The following NPR1 variants were observed in gnomAD, a reference collection of about 807,000 sequenced individuals.
NPR1 encodes atrial natriuretic peptide receptor 1.
Under a neutral mutation model 116.9 loss-of-function variants are expected in NPR1, and 57 were observed. The observed-to-expected ratio is 0.49, with a 90% CI of 0.39 to 0.61. NPR1 has a LOEUF of 0.61. NPR1 is among the 20% of genes least tolerant of loss of function. The pLI, the probability that NPR1 is intolerant of heterozygous loss-of-function variation, is 0.00. For synonymous variants in NPR1, 555 were observed against 601.6 expected (o/e 0.92, Z 1.13); for missense variants, 1,096 against 1,409.8 (o/e 0.78, Z 3.56).
chr1:153,686,221 G>C, intron 10 of NPR1, 21 bp downstream of exon 10: 1 of 1,611,650 alleles, frequency 6.2e-7, no homozygotes, highest in Non-Finnish European at 8.5e-7. Flanking sequence ...GAGTGAGGCA[G>C]TGGCATGGAG....
intron 14 of NPR1, 39 bp downstream of exon 14, chr1:153,687,828 TCAACGAACCCCAGCCC>T: frequency 6.5e-7 from 1 of 1,542,372 alleles, no homozygotes; most frequent in Non-Finnish European, 8.8e-7. Context: ...AGCCACAGTC[TCAACGAACCCCAGCCC>T]CAGGGAGAGG....
At position 153,682,049 on chromosome 1, in the gene NPR1, CT is replaced by C. The variant is rs749942667; in HGVS notation, c.1171+215del. Among the ~76,000 whole-genome samples the C allele has an allele frequency of 1.1e-4, 17 of 151,532 alleles. No homozygotes were observed. In the East Asian group the frequency reaches 1.5e-3, roughly 14 times the overall value. On this transcript the variant is annotated intron_variant, in intron 4 of 21. Transcript: ENST00000368680. Reference sequence around the variant, plus strand: ...CTGGGCACTGAGTTCTTTTACCTTTCTTTTTCTTTTTTCTTTTTTTTTTGAG... The same window carrying C: ...CTGGGCACTGAGTTCTTTTACCTTTCTTTTCTTTTTTCTTTTTTTTTTGAG...
chr1:153,685,533 G>T (rs113458205), intron 8 of NPR1, among the ~76,000 whole-genome samples: 2 of 151,884 alleles, frequency 1.3e-5, no homozygotes, highest in South Asian at 2.1e-4. Context: ...GCATGGTGGC[G>T]CATACCTGTA....
At chr1:153,690,077 T>C in intron 19 of NPR1, 97 bp downstream of exon 19, 3 of 513,302 alleles carry the variant, frequency 5.8e-6, no homozygotes, top group Non-Finnish European at 9.0e-6. Context: ...CATCTCTCTC[T>C]CTCTCTCTCT....
At chr1:153,680,984 C>T (rs1669756989) in intron 2 of NPR1, 196 bp from the exon 3 acceptor site, 1 of 599,412 alleles carries the variant, frequency 1.7e-6, no homozygotes, top group Admixed American at 3.0e-5. Context: ...ACAGCCTGGA[C>T]AGGACTTGGA....
rs1475147651 is a variant in NPR1, at chr1:153,687,609, G to C, written c.2093-25G>C. 4 of 1,553,668 alleles carry C rather than the reference G, an allele frequency of 2.6e-6. No individual in the cohort carries two copies. The African/African-American group carries it at 5.5e-5, about 21-fold the overall frequency. On this transcript the variant is annotated intron_variant, in intron 13 of 21. Transcript: ENST00000368680. ...CCTTAGCTTTGGGCTCCCTCACTCG[G>C]TGACTACCGACCTCTGACCCACAGA... is the stretch of plus-strand genomic sequence containing the variant.
rs1189924933 is a variant in NPR1, at chr1:153,690,068, A to ATCTC, written c.2932+124_2932+127dup. 996 of 679,654 alleles carry ATCTC rather than the reference A, an allele frequency of 1.5e-3. 11 individuals carry two copies. Among genetic ancestry groups the ATCTC allele is most frequent in the African/African-American group, 5.5e-3 (172 of 31,478 alleles). The allele number at this position is 679,654 out of a possible 1,614,324, so 42.1% of individuals were successfully genotyped here. A position where few individuals can be genotyped will look rare whatever the true frequency, so the allele number is the denominator to read the frequency against. On this transcript the variant is annotated intron_variant, in intron 19 of 21. Transcript: ENST00000368680. ...CCCTGGCCCAGCCCCTCGCCCTTTC[A>ATCTC]TCTCTCTCTCTCTCTCTCTCTCTCT...
intron 7 of NPR1, 36 bp downstream of exon 7, chr1:153,683,860 G>T: frequency 6.3e-7 from 1 of 1,592,882 alleles, no homozygotes. Context: ...TGAGGCTGGG[G>T]GACCCGGAGA....
In NPR1 at chr1:153,686,159, C is replaced by G; in HGVS notation, c.1717C>G (p.Arg573Gly). ...GGCTGTGAAACGTGTGAACCGTAAA[C>G]GCATTGAGCTGACACGAAAAGTCCT... ...LVAVKRVNRK[R>G]IELTRKVLFE... Residue 573 changes from arginine to glycine, a missense_variant, in exon 10 of 22, where the codon CGC becomes GGC. By Grantham distance (125) the Arg-to-Gly change is moderately radical (BLOSUM62 -2). Transcript: ENST00000368680. 12 of 1,614,084 alleles carry G rather than the reference C, an allele frequency of 7.4e-6. No individual in the cohort carries two copies. The highest frequency in any genetic ancestry group is 7.6e-6 in the Non-Finnish European group (9 of 1,180,016).
At chr1:153,681,444 C>G in intron 3 of NPR1, 151 bp downstream of exon 3, 3 of 645,376 alleles carry the variant, frequency 4.6e-6, no homozygotes, top group Non-Finnish European at 8.1e-6. Context: ...GAGGAGGACA[C>G]TGGCAAGTTC....
Position 153,693,346 on chromosome 1 carries a change from C to T in NPR1, c.3124-6C>T, listed in dbSNP as rs1338159382. The T allele has an allele frequency of 1.9e-6, 3 of 1,612,652 alleles. No individual in the cohort carries two copies. Among genetic ancestry groups the T allele is most frequent in the East Asian group, 2.2e-5 (1 of 44,866 alleles). On this transcript the variant is annotated splice_region_variant and splice_polypyrimidine_tract_variant and intron_variant, in intron 21 of 21. Coordinates refer to ENST00000368680, the MANE Select transcript of NPR1 (RefSeq NM_000906.4). Reference sequence around the variant, plus strand: ...CTCCCCAGCCCATCCTCTTTTTTCCCTCCAGGGCAAAGGCAAGGTTCGGAC... The same window carrying T: ...CTCCCCAGCCCATCCTCTTTTTTCCTTCCAGGGCAAAGGCAAGGTTCGGAC...
Position 153,678,950 on chromosome 1 carries a change from GC to G in NPR1, c.-158del. On this transcript the variant is annotated 5_prime_UTR_variant, in exon 1 of 22. Transcript: ENST00000368680. The surrounding 1 kb of genome is among the most constrained non-coding windows in gnomAD (Gnocchi z 5.8). ...CCTTGCGCTCTCGGCCCAGACCGTC[GC>G]AGCTACAGGGGGCCTCGAGCCCCGG... The G allele has an allele frequency of 1.0e-6, 1 of 983,988 alleles. No individual in the cohort carries two copies. The highest frequency in any genetic ancestry group is 1.7e-5 in the African/African-American group (1 of 57,898). 61.0% of individuals were successfully genotyped at this position (983,988 alleles called of 1,614,324 possible).
chr1:153,679,388 GACA>G lies in NPR1; in HGVS notation c.281_283del (p.Asp94_Thr95delinsAla). ...CGAAAACGCGCTGGGCGTCTGCTCCGACACCGCAGCGCCCCTGGCCGCGGTGGA... is the reference window on the plus strand; with the variant it reads ...CGAAAACGCGCTGGGCGTCTGCTCCGCCGCAGCGCCCCTGGCCGCGGTGGA... On this transcript the variant is annotated inframe_deletion, in exon 1 of 22. Coordinates refer to ENST00000368680, the MANE Select transcript of NPR1 (RefSeq NM_000906.4). The surrounding 1 kb of genome is among the most constrained non-coding windows in gnomAD (Gnocchi z 4.2). The G allele has an allele frequency of 6.5e-7, 1 of 1,540,338 alleles. No individual in the cohort carries two copies. Among genetic ancestry groups the G allele is most frequent in the Non-Finnish European group, 8.7e-7 (1 of 1,148,328 alleles).
chr1:153,689,610 TAAGAG>T lies in NPR1; in HGVS notation c.2757+91_2757+95del. The T allele has an allele frequency of 2.2e-6, 3 of 1,371,564 alleles. No individual in the cohort carries two copies. The East Asian group carries it at 6.9e-5, about 31-fold the overall frequency. The allele number at this position is 1,371,564 out of a possible 1,614,324, so 85.0% of individuals were successfully genotyped here. ...GGGTAGGCAGAATGATGTGGAGTCT[TAAGAG>T]AGGAGATCGGGGACACGGGCAGAGA... On this transcript the variant is annotated intron_variant, in intron 18 of 21. Coordinates refer to ENST00000368680, the MANE Select transcript of NPR1 (RefSeq NM_000906.4). This position sits in a 1 kb window ranked among gnomAD's most constrained non-coding sequence, Gnocchi z 5.1.
chr1:153,688,064 C>T lies in NPR1; in HGVS notation c.2260C>T (p.Arg754Trp), dbSNP rs1463468058. 3 of 1,607,912 alleles carry T rather than the reference C, an allele frequency of 1.9e-6. No individual in the cohort carries two copies. Among genetic ancestry groups the T allele is most frequent in the Admixed American group, 3.4e-5 (2 of 59,500 alleles). Residue 754 changes from arginine (R) to tryptophan (W), a missense_variant, in exon 15 of 22, where the codon CGG (arginine) becomes TGG (tryptophan). Coordinates refer to ENST00000368680, the MANE Select transcript of NPR1 (RefSeq NM_000906.4). ...LDLSPKEIIERVTRGEQPPFR... is the reference protein window; with the variant it reads ...LDLSPKEIIEWVTRGEQPPFR... The stretch of plus-strand genomic sequence containing the variant: ...CCCCCCCAATACAGAGATCATCGAG[C>T]GGGTGACTCGGGGTGAGCAGCCCCC...
chr1:153,684,943 G>C (rs1669884439), intron 7 of NPR1, 21 bp from the exon 8 acceptor site: 2 of 1,613,708 alleles, frequency 1.2e-6, no homozygotes, highest in African/African-American at 2.7e-5. Flanking sequence ...CACAGGCTCA[G>C]ATGCAGCCTT....
intron 21 of NPR1, 48 bp downstream of exon 21, chr1:153,693,245 G>GA (rs1670153388): frequency 1.2e-6 from 2 of 1,603,424 alleles, no homozygotes; most frequent in East Asian, 4.5e-5. Flanking sequence ...GTCCTAGAGG[G>GA]AGTTACCCTT....
At chr1:153,685,722 G>A in intron 8 of NPR1, 84 bp from the exon 9 acceptor site, 1 of 1,059,036 alleles carries the variant, frequency 9.4e-7, no homozygotes, top group Non-Finnish European at 1.5e-6. Flanking sequence ...GGATAAGGCA[G>A]GGAAATAAAG....
chr1:153,687,768 G>A lies in NPR1; in HGVS notation c.2227G>A (p.Gly743Ser). ...GAGGAGTGGGGTCTTCCACGTGGAAGGTTTGGACCTGAGCCCCAAAGGTGA... is the reference window on the plus strand; with the variant it reads ...GAGGAGTGGGGTCTTCCACGTGGAAAGTTTGGACCTGAGCCCCAAAGGTGA... Reference protein sequence around the residue: ...ALRSGVFHVEGLDLSPKEIIE... With the variant: ...ALRSGVFHVESLDLSPKEIIE... The change falls in exon 14 of 22, where the codon GGT becomes AGT. Residue 743 changes from glycine to serine, a missense_variant. Transcript: ENST00000368680. 2.5e-6 allele frequency: 4 copies of A among 1,593,566 alleles called. No individual in the cohort carries two copies. The highest frequency in any genetic ancestry group is 3.4e-6 in the Non-Finnish European group (4 of 1,164,636).
Sources: allele counts gnomAD v4.1 joint callset (sites outside exome capture counted in the v4.1 genomes callset), GRCh38; gene constraint gnomAD v4.1.1; non-coding constraint Gnocchi (gnomAD v3.1); transcripts MANE v1.5; gene names NCBI Gene and HGNC (gene_info 2026-07-23, HGNC 2026-07-21).